GCLC: variants seen among roughly 807,000 people sequenced by gnomAD.
The protein encoded by GCLC is glutamate-cysteine ligase catalytic subunit.
Under a neutral mutation model 81.5 loss-of-function variants are expected in GCLC, and 30 were observed. The ratio of observed to expected loss-of-function variants is 0.37; its 90% CI spans 0.28 to 0.50. GCLC has a LOEUF of 0.50. GCLC is among the 20% of genes least tolerant of loss of function. The pLI, the probability that GCLC is intolerant of heterozygous loss-of-function variation, is 0.96. For synonymous variants in GCLC, 262 were observed against 273.3 expected, an observed-to-expected ratio of 0.96 and a Z score of 0.41; for missense variants, 556 against 777.4, an observed-to-expected ratio of 0.72 and a Z score of 3.39.
In GCLC at chr6:53,505,537, A is replaced by G. The variant is rs1764596797; in HGVS notation, c.1291-41T>C. On this transcript the variant is annotated intron_variant, in intron 11 of 15. Coordinates refer to ENST00000650454, the MANE Select transcript of GCLC (RefSeq NM_001498.4). ...CCCAGAGAAGTTATGAACCAACTAC[A>G]CAAACATGCTCTTCCCTGACCCAGG... is the stretch of plus-strand genomic sequence containing the variant. 5 of 1,018,148 alleles carry G rather than the reference A, an allele frequency of 4.9e-6. No individual in the cohort carries two copies. In the Admixed American group the frequency reaches 6.8e-5, roughly 14 times the overall value. The allele number at this position is 1,018,148 out of a possible 1,614,324, so 63.1% of individuals were successfully genotyped here.
At chr6:53,499,602 C>T (rs945026358) in intron 15 of GCLC, among the ~76,000 whole-genome samples, 1 of 152,134 alleles carries the variant, frequency 6.6e-6, no homozygotes, top group Non-Finnish European at 1.5e-5. Flanking sequence ...GGTTACTGTA[C>T]TGTATTGTAA....
At chr6:53,514,360 T>TA in intron 5 of GCLC, 23 bp from the exon 6 acceptor site, 1 of 1,590,280 alleles carries the variant, frequency 6.3e-7, no homozygotes, top group Non-Finnish European at 8.6e-7. Flanking sequence ...AATACAAAAA[T>TA]AAAAATGGTT....
intron 3 of GCLC, 147 bp from the exon 4 acceptor site, chr6:53,516,369 T>C (rs1436924617): frequency 3.0e-6 from 2 of 663,832 alleles, no homozygotes; most frequent in Middle Eastern, 3.5e-4. Flanking sequence ...AGATGTTGTG[T>C]AAATACTGTG....
At chr6:53,514,133 T>G in intron 6 of GCLC, 71 bp downstream of exon 6, 2 of 1,396,586 alleles carry the variant, frequency 1.4e-6, no homozygotes, top group South Asian at 1.2e-5. Flanking sequence ...ACAGGAAACA[T>G]GCATATATAA....
At chr6:53,513,709 T>C (rs1561942403) in intron 6 of GCLC, 2 of 170,938 alleles carry the variant, frequency 1.2e-5, no homozygotes, top group Non-Finnish European at 2.5e-5. Flanking sequence ...GGCTCCTGTA[T>C]ACTTTACTCA....
At chr6:53,505,068 T>G (rs1270414069) in intron 12 of GCLC, among the ~76,000 whole-genome samples, 1 of 152,176 alleles carries the variant, frequency 6.6e-6, no homozygotes, top group Admixed American at 6.5e-5. Context: ...TCAAGTTCAG[T>G]TCTACTGAGG....
At position 53,497,480 on chromosome 6, in the gene GCLC, A is replaced by G. The variant is rs1351520751; in HGVS notation, c.*1276T>C. ...TTCTTTAATCATCCAAAATGCATGTATAAAATATAGAACAAACCCTAGTAT... is the reference window on the plus strand; with the variant it reads ...TTCTTTAATCATCCAAAATGCATGTGTAAAATATAGAACAAACCCTAGTAT... On this transcript the variant is annotated 3_prime_UTR_variant, in exon 16 of 16. Transcript: ENST00000650454. 6.6e-6 allele frequency: 1 copy of G among 152,278 alleles called. No homozygotes were observed. The highest frequency in any genetic ancestry group is 1.5e-5 in the Non-Finnish European group (1 of 68,044). The allele number at this position is 152,278 out of a possible 1,614,324, so 9.4% of individuals were successfully genotyped here.
chr6:53,515,492 TA>T (rs1432988760), intron 4 of GCLC, among the ~76,000 whole-genome samples: 1 of 152,238 alleles, frequency 6.6e-6, no homozygotes, highest in Non-Finnish European at 1.5e-5. Flanking sequence ...GAGGGCCTGT[TA>T]AAGGAATGAA....
At chr6:53,503,846 T>G (rs192375295) in intron 12 of GCLC, among the ~76,000 whole-genome samples, 100 of 152,350 alleles carry the variant, frequency 6.6e-4, no homozygotes, top group Middle Eastern at 3.4e-3. Context: ...TTCCATAATT[T>G]CCATTTCTTC....
chr6:53,523,027 A>G (rs1273366882), intron 1 of GCLC, among the ~76,000 whole-genome samples: 4 of 152,208 alleles, frequency 2.6e-5, no homozygotes, highest in Non-Finnish European at 5.9e-5. Flanking sequence ...GGAGAGTTAA[A>G]TCATAATCAT....
At chr6:53,505,594 T>C in intron 11 of GCLC, 98 bp from the exon 12 acceptor site, 3 of 779,694 alleles carry the variant, frequency 3.8e-6, no homozygotes, top group Non-Finnish European at 6.9e-6. Context: ...TCCCAAGCCA[T>C]CTCCTAATTC....
chr6:53,544,060 A>G (rs1763403653), intron 1 of GCLC, among the ~76,000 whole-genome samples: 1 of 152,212 alleles, frequency 6.6e-6, no homozygotes, highest in Non-Finnish European at 1.5e-5. Context: ...GACATCCTGA[A>G]GACCTGATTT....
At chr6:53,527,647 A>G (rs1158088402) in intron 1 of GCLC, among the ~76,000 whole-genome samples, 1 of 152,230 alleles carries the variant, frequency 6.6e-6, no homozygotes, top group Non-Finnish European at 1.5e-5. Context: ...CTATTGCTGA[A>G]TTATCTGAAC....
chr6:53,513,173 G>GAT (rs1333902264), intron 6 of GCLC: 1 of 152,222 alleles, frequency 6.6e-6, no homozygotes, highest in African/African-American at 2.4e-5. Context: ...ATAGACCAGA[G>GAT]ATATATGCAC....
intron 1 of GCLC, among the ~76,000 whole-genome samples, chr6:53,534,448 G>A (rs1238917716): frequency 1.4e-5 from 2 of 147,938 alleles, no homozygotes; most frequent in African/African-American, 5.1e-5. Context: ...GAGTAACAGG[G>A]GCTAAATTTA....
chr6:53,538,518 A>G (rs2127630973), intron 1 of GCLC, among the ~76,000 whole-genome samples: 1 of 152,024 alleles, frequency 6.6e-6, no homozygotes, highest in African/African-American at 2.4e-5. Context: ...TTTTTAGTAG[A>G]GACAAGGTTT....
intron 1 of GCLC, among the ~76,000 whole-genome samples, chr6:53,539,869 C>CCACTAGGCTTCTGACCTGTCTTCA (rs1234796063): frequency 1.3e-5 from 2 of 152,184 alleles, no homozygotes; most frequent in African/African-American, 4.8e-5. Flanking sequence ...TGCATCTGAG[C>CCACTAGGCTTCTGACCTGTCTTCA]CACTAGGCTT....
At chr6:53,519,488 C>T (rs998529701) in intron 3 of GCLC, among the ~76,000 whole-genome samples, 19 of 151,290 alleles carry the variant, frequency 1.3e-4, no homozygotes, top group Admixed American at 9.2e-4. Flanking sequence ...TCTCCTCCTG[C>T]TAGCACAGCC....
At chr6:53,539,013 A>G (rs1183775937) in intron 1 of GCLC, among the ~76,000 whole-genome samples, 6 of 152,228 alleles carry the variant, frequency 3.9e-5, no homozygotes, top group Non-Finnish European at 7.3e-5. Flanking sequence ...TATGTCTGCC[A>G]CTAAGTAGCT....
Sources: gnomAD v4.1 joint callset for allele counts (sites outside exome capture counted in the v4.1 genomes callset) on GRCh38, gnomAD v4.1.1 for gene constraint, MANE v1.5 for transcripts, NCBI Gene and HGNC (gene_info 2026-07-23, HGNC 2026-07-21) for gene names.